Variants in ZNF350 observed in about 807,000 individuals in gnomAD.
ZNF350 encodes KRAB zinc finger protein ZFQR.
ZNF350 carries 5 observed loss-of-function variants against 13.1 expected under a neutral mutation model. That is an observed-to-expected ratio of 0.38 (90% CI 0.20 to 0.80). The LOEUF (loss-of-function observed/expected upper bound fraction) is 0.80. Among genes scored for constraint, ZNF350 ranks in the 30% least tolerant of loss-of-function variants. ZNF350 has a pLI of 0.43. For missense variants in ZNF350, 534 were observed against 644.2 expected (o/e 0.83, Z 1.85); for synonymous variants, 199 against 224.2 (o/e 0.89, Z 1.00).
At position 51,965,256 on chromosome 19, in the gene ZNF350, C is replaced by T. The variant is rs772535085; in HGVS notation, c.1197G>A (p.Glu399=). 1 of 1,614,220 alleles carries T rather than the reference C, an allele frequency of 6.2e-7. No homozygotes were observed. The highest frequency in any genetic ancestry group is 1.3e-5 in the African/African-American group (1 of 75,072). Residue 399 remains glutamate, a synonymous_variant, in exon 5 of 5, where the codon GAG becomes GAA. Coordinates refer to ENST00000243644, the MANE Select transcript of ZNF350 (RefSeq NM_021632.4). ...LIVHQRTHTG[E]RPYGCNECGK... is the part of the protein sequence containing the mutation. ...CACACTCGTTACAGCCATAGGGTCT[C>T]TCTCCTGTATGAGTCCTTTGATGGA...
chr19:51,965,648 TGC>T lies in ZNF350; in HGVS notation c.803_804del (p.Gly268GlufsTer26). ...AGCCGTGATTTCTTGAGAAAGGCTT[TGC>T]CACATTCAGGGCATTCATAAGGTTT... ...GEKPYECPEC[G>X]KAFLKKSRLN... On this transcript the variant is annotated frameshift_variant, in exon 5 of 5. Coordinates refer to ENST00000243644, the MANE Select transcript of ZNF350 (RefSeq NM_021632.4). LOFTEE classifies it low-confidence loss of function (END_TRUNC). 6.2e-7 allele frequency: 1 copy of T among 1,614,232 alleles called. No homozygotes were observed. Among genetic ancestry groups the T allele is most frequent in the African/African-American group, 1.3e-5 (1 of 75,058 alleles).
chr19:51,986,068 C>G (rs1264961687), intron 1 of ZNF350, among the ~76,000 whole-genome samples: 1 of 152,144 alleles, frequency 6.6e-6, no homozygotes, highest in Non-Finnish European at 1.5e-5. Flanking sequence ...GCAACATTTT[C>G]GATTTTGCCG....
Position 51,966,184 on chromosome 19 carries a change from C to T in ZNF350, c.269G>A (p.Arg90His), listed in dbSNP as rs145237930. The T allele has an allele frequency of 4.8e-5, 77 of 1,590,148 alleles. No individual in the cohort carries two copies. In the South Asian group the frequency reaches 6.7e-4, roughly 14 times the overall value. The change falls in exon 5 of 5, where the codon CGC (arginine) becomes CAC (histidine). Residue 90 changes from arginine to histidine, a missense_variant. By Grantham distance (29) the Arg-to-His change is conservative. Coordinates refer to ENST00000243644, the MANE Select transcript of ZNF350 (RefSeq NM_021632.4). ...DIWKVDHVLE[R>H]LQSESLVNRR... ...GTTCACCAGGCTTTCACTCTGCAAGCGCTCCAGCACATGATCAACTTTCCA... is the reference window on the plus strand; with the variant it reads ...GTTCACCAGGCTTTCACTCTGCAAGTGCTCCAGCACATGATCAACTTTCCA...
intron 4 of ZNF350, among the ~76,000 whole-genome samples, chr19:51,966,567 T>C (rs2085581439): frequency 6.6e-6 from 1 of 151,918 alleles, no homozygotes; most frequent in Admixed American, 6.5e-5. Flanking sequence ...GTTTTGTTTT[T>C]GGGAGACGGA....
chr19:51,983,273 C>T (rs995673562), intron 1 of ZNF350, among the ~76,000 whole-genome samples: 4 of 152,166 alleles, frequency 2.6e-5, no homozygotes, highest in South Asian at 2.1e-4. Context: ...GACCTCTGCC[C>T]AAGAAAGCCT....
chr19:51,966,281 G>GTTTTTTTTTTTTTTTT (rs72177430), intron 4 of ZNF350, 67 bp from the exon 5 acceptor site: 1 of 1,404,008 alleles, frequency 7.1e-7, no homozygotes, highest in African/African-American at 1.6e-5. Flanking sequence ...TGGTTTTTTT[G>GTTTTTTTTTTTTTTTT]TTTTTTTTGT....
chr19:51,974,553 C>A, intron 1 of ZNF350, 22 bp from the exon 2 acceptor site: 1 of 617,700 alleles, frequency 1.6e-6, no homozygotes, highest in South Asian at 2.2e-5. Context: ...AGAGCAAATT[C>A]AATGTAAGTG....
chr19:51,964,523 C>G lies in ZNF350; in HGVS notation c.*331G>C. 3.1e-6 allele frequency: 1 copy of G among 326,928 alleles called. No individual in the cohort carries two copies. Among genetic ancestry groups the G allele is most frequent in the South Asian group, 5.0e-5 (1 of 20,058 alleles). The allele number at this position is 326,928 out of a possible 1,614,324, so 20.3% of individuals were successfully genotyped here. A position where few individuals can be genotyped will look rare whatever the true frequency, so the allele number is the denominator to read the frequency against. On this transcript the variant is annotated 3_prime_UTR_variant, in exon 5 of 5. Coordinates refer to ENST00000243644, the MANE Select transcript of ZNF350 (RefSeq NM_021632.4). ...CCACCATTACAGTATTAGCCCTTTC[C>G]CACCAACTGCCCCTTATGAAGCTTT...
intron 2 of ZNF350, among the ~76,000 whole-genome samples, chr19:51,969,758 G>A (rs1349208998): frequency 6.6e-6 from 1 of 152,180 alleles, no homozygotes; most frequent in Non-Finnish European, 1.5e-5. Context: ...GAGCCTAGGA[G>A]TTAGAGACTA....
At chr19:51,978,041 C>T (rs991772940) in intron 1 of ZNF350, among the ~76,000 whole-genome samples, 2 of 152,206 alleles carry the variant, frequency 1.3e-5, no homozygotes, top group Non-Finnish European at 2.9e-5. Flanking sequence ...CAGCAGGACT[C>T]TGTACTCGCC....
intron 1 of ZNF350, chr19:51,981,984 C>T (rs2086056784): frequency 6.6e-6 from 1 of 151,770 alleles, no homozygotes; most frequent in South Asian, 2.1e-4. Flanking sequence ...ATTATCAGGT[C>T]TAGAGAGGCA....
chr19:51,974,580 C>T (rs2085834180), intron 1 of ZNF350, 49 bp from the exon 2 acceptor site: 1 of 544,510 alleles, frequency 1.8e-6, no homozygotes, highest in Admixed American at 3.0e-5. Flanking sequence ...TTTTTCCAGG[C>T]CCAGATACTG....
At position 51,976,676 on chromosome 19, in the gene ZNF350, CATT is replaced by C. The variant is rs1226416930; in HGVS notation, c.-171-2148_-171-2146del. 1.3e-5 allele frequency: 2 copies of C among 152,200 alleles called. No homozygotes were observed. The highest frequency in any genetic ancestry group is 4.8e-5 in the African/African-American group (2 of 41,448). 9.4% of individuals were successfully genotyped at this position (152,200 alleles called of 1,614,324 possible). On this transcript the variant is annotated intron_variant, in intron 1 of 4. Coordinates refer to ENST00000243644, the MANE Select transcript of ZNF350 (RefSeq NM_021632.4). The surrounding 1 kb of genome is among the most constrained non-coding windows in gnomAD (Gnocchi z 4.5). ...AAAGAATTTGTCTATTGAAGAAAAACATTATGTGCAGTTGCTTAAAGTTCTGTT... is the reference window on the plus strand; with the variant it reads ...AAAGAATTTGTCTATTGAAGAAAAACATGTGCAGTTGCTTAAAGTTCTGTT...
At chr19:51,968,788 T>C (rs1224579798) in intron 3 of ZNF350, 115 bp from the exon 4 acceptor site, 1 of 1,425,318 alleles carries the variant, frequency 7.0e-7, no homozygotes, top group Non-Finnish European at 9.7e-7. Flanking sequence ...CAAAATTTAG[T>C]TTCTTATCTG....
rs1214304873 is a variant in ZNF350 at position 51,976,173 on chromosome 19, C to T, written c.-171-1642G>A. Among the ~76,000 whole-genome samples, 1 of 151,420 alleles carries T rather than the reference C, an allele frequency of 6.6e-6. No individual in the cohort carries two copies. The highest frequency in any genetic ancestry group is 1.5e-5 in the Non-Finnish European group (1 of 67,950). Reference sequence around the variant, plus strand: ...GGACCCCTGGCGCCGTTATCTACTGCGACATCTAGAGAATGCAGTCTTGCA... The same window carrying T: ...GGACCCCTGGCGCCGTTATCTACTGTGACATCTAGAGAATGCAGTCTTGCA... On this transcript the variant is annotated intron_variant, in intron 1 of 4. Coordinates refer to ENST00000243644, the MANE Select transcript of ZNF350 (RefSeq NM_021632.4). The surrounding 1 kb of genome is among the most constrained non-coding windows in gnomAD (Gnocchi z 4.5).
At chr19:51,966,788 C>T (rs1266579349) in intron 4 of ZNF350, among the ~76,000 whole-genome samples, 3 of 150,990 alleles carry the variant, frequency 2.0e-5, no homozygotes, top group Non-Finnish European at 2.9e-5. Context: ...GCTGGGATTA[C>T]AGGCATGCAC....
chr19:51,972,341 T>C (rs925016072), intron 2 of ZNF350, among the ~76,000 whole-genome samples: 1 of 133,008 alleles, frequency 7.5e-6, no homozygotes, highest in African/African-American at 2.8e-5. Flanking sequence ...AAAGTAAAAG[T>C]AAAAAATAAA....
chr19:51,968,652 T>G lies in ZNF350; in HGVS notation c.164A>C (p.Asp55Ala). The change falls in exon 4 of 5, where the codon GAT (aspartate) becomes GCT (alanine). Residue 55 changes from aspartate to alanine, a missense_variant. By Grantham distance (126) the Asp-to-Ala change is moderately radical. Transcript: ENST00000243644. Reference sequence around the variant, plus strand: ...TCCTTGTTCCAACTTGAAGAGTGCATCCGGTTTGCTGGCTTGATACCCTGT... The same window carrying G: ...TCCTTGTTCCAACTTGAAGAGTGCAGCCGGTTTGCTGGCTTGATACCCTGT... ...VAVGYQASKP[D>A]ALFKLEQGEQ... The G allele has an allele frequency of 6.2e-7, 1 of 1,614,110 alleles. No homozygotes were observed. Among genetic ancestry groups the G allele is most frequent in the Admixed American group, 1.7e-5 (1 of 60,012 alleles).
intron 2 of ZNF350, chr19:51,973,292 A>C (rs2085797702): frequency 6.6e-6 from 1 of 152,106 alleles, no homozygotes; most frequent in South Asian, 2.1e-4. Context: ...CTGGGACACA[A>C]TCACAGATGA....
Sources: gnomAD v4.1 joint callset for allele counts (sites outside exome capture counted in the v4.1 genomes callset) on GRCh38, gnomAD v4.1.1 for gene constraint, Gnocchi (gnomAD v3.1) non-coding constraint, MANE v1.5 for transcripts, NCBI Gene and HGNC (gene_info 2026-07-23, HGNC 2026-07-21) for gene names.